IGSF9B: variants seen among roughly 807,000 people sequenced by gnomAD.
IGSF9B encodes the protein protein turtle homolog B.
A neutral mutation model predicts 143.7 loss-of-function variants in IGSF9B; 48 were observed. That is an observed-to-expected ratio of 0.33 (90% CI 0.26 to 0.42). The LOEUF (loss-of-function observed/expected upper bound fraction) is 0.42, where lower values mean the gene tolerates loss of function less well. Among genes scored for constraint, IGSF9B ranks in the 20% least tolerant of loss-of-function variants. The pLI is 1.00. For missense variants in IGSF9B, 1,706 were observed against 1,980.0 expected, an observed-to-expected ratio of 0.86 and a Z score of 2.63; for synonymous variants, 903 against 833.1, an observed-to-expected ratio of 1.08 and a Z score of -1.44.
rs1939807931 is a variant in IGSF9B, at chr11:133,935,627, C to T, written c.957G>A (p.Leu319=). The change falls in exon 7 of 20, where the codon CTG becomes CTA. Residue 319 remains leucine (L), a synonymous_variant. Coordinates refer to ENST00000533871, the MANE Select transcript of IGSF9B (RefSeq NM_001277285.4). ...TGCACCCCTACTCACACTGCACGGT[C>T]AGGTACGCCGAGGCGGAGGGGGAGC... ...LGRSPSASAY[L]TVQYPARVLN... is the part of the protein sequence containing the mutation. 9 of 1,610,390 alleles carry T rather than the reference C, an allele frequency of 5.6e-6. No individual in the cohort carries two copies. The South Asian group carries it at 1.0e-4, about 18-fold the overall frequency.
Position 133,899,824 on chromosome 11 carries a change from ACCT to A in IGSF9B, c.*9242_*9244del, listed in dbSNP as rs540750231. On this transcript the variant is annotated 3_prime_UTR_variant, in exon 20 of 20. Coordinates refer to ENST00000533871, the MANE Select transcript of IGSF9B (RefSeq NM_001277285.4). ...AAGGTAGGAAGGGAACAGAATTTGC[ACCT>A]CTTCTTCTTGCCCAATCCCCCTGAA... 2.6e-5 allele frequency: 4 copies of A among 152,194 alleles called. No homozygotes were observed. The East Asian group carries it at 7.8e-4, about 30-fold the overall frequency. The allele number at this position is 152,194 out of a possible 1,614,324, so 9.4% of individuals were successfully genotyped here.
intron 14 of IGSF9B, among the ~76,000 whole-genome samples, chr11:133,925,193 T>A (rs1393166321): frequency 6.6e-6 from 1 of 152,134 alleles, no homozygotes; most frequent in Admixed American, 6.5e-5. Context: ...CAACCACTAT[T>A]GATAAATAAG....
rs756625696 is a variant in IGSF9B, at chr11:133,922,702, C to T, written c.2148G>A (p.Glu716=). 1.1e-4 allele frequency: 169 copies of T among 1,582,982 alleles called. No individual in the cohort carries two copies. Among genetic ancestry groups the T allele is most frequent in the Non-Finnish European group, 1.4e-4 (164 of 1,165,956 alleles). ...TDIFPQPDLT[E]DGLARPVLAG... ...CCAGCACAGGCCGCGCCAGCCCATC[C>T]TCGGTCAGGTCCGGCTGCGGGAAGA... The change falls in exon 16 of 20, where the codon GAG becomes GAA. Residue 716 remains glutamate (E), a synonymous_variant. Coordinates refer to ENST00000533871, the MANE Select transcript of IGSF9B (RefSeq NM_001277285.4).
chr11:133,915,338 G>GGCTCACTGCTGCCTCGACCTCCCCA (rs1393180494), intron 18 of IGSF9B, among the ~76,000 whole-genome samples: 19 of 139,532 alleles, frequency 1.4e-4, no homozygotes, highest in African/African-American at 5.2e-4. Flanking sequence ...GCGCAATCTC[G>GGCTCACTGCTGCCTCGACCTCCCCA]GCTCACTGCT....
In IGSF9B at chr11:133,953,330, C is replaced by A. The variant is rs1197846408; in HGVS notation, c.64+3361G>T. Among the ~76,000 whole-genome samples, 1 of 152,196 alleles carries A rather than the reference C, an allele frequency of 6.6e-6. No individual in the cohort carries two copies. Among genetic ancestry groups the A allele is most frequent in the Non-Finnish European group, 1.5e-5 (1 of 68,030 alleles). ...AAGCTGATTGCCCTCTGCCCCTCAG[C>A]CAAGCCCTTCTCACATCCCCGTCTC... On this transcript the variant is annotated intron_variant, in intron 1 of 19. Coordinates refer to ENST00000533871, the MANE Select transcript of IGSF9B (RefSeq NM_001277285.4). The surrounding 1 kb of genome is among the most constrained non-coding windows in gnomAD (Gnocchi z 4.2).
chr11:133,956,099 G>C (rs1287330641), intron 1 of IGSF9B, among the ~76,000 whole-genome samples: 1 of 152,100 alleles, frequency 6.6e-6, no homozygotes, highest in Non-Finnish European at 1.5e-5. Flanking sequence ...TCCTCTCACC[G>C]GGCGCCCCTG....
chr11:133,920,967 C>G lies in IGSF9B; in HGVS notation c.2758G>C (p.Glu920Gln), dbSNP rs1351964129. ...SQLTPLSSSQESYLPPPAYSP... is the reference protein window; with the variant it reads ...SQLTPLSSSQQSYLPPPAYSP... The stretch of plus-strand genomic sequence containing the variant: ...TATGCTGGTGGTGGCAGGTAGGACT[C>G]CTGGCTGGATGACAGAGGGGTGAGC... Residue 920 changes from glutamate to glutamine, a missense_variant, in exon 18 of 20, where the codon GAG becomes CAG. Glu to Gln is a conservative substitution (Grantham distance 29). Around this residue, in one of 7 missense-constraint regions of IGSF9B, gnomAD observed 880 missense variants for 762.9 expected, o/e 1.15. Transcript: ENST00000533871. 1.2e-6 allele frequency: 2 copies of G among 1,610,676 alleles called. No individual in the cohort carries two copies. The highest frequency in any genetic ancestry group is 4.5e-5 in the East Asian group (2 of 44,778).
chr11:133,938,213 T>A (rs1939861080), intron 3 of IGSF9B: 1 of 473,714 alleles, frequency 2.1e-6, no homozygotes, highest in South Asian at 2.4e-5. Context: ...TAACTGAGCA[T>A]CTACTCTAGG....
intron 1 of IGSF9B, among the ~76,000 whole-genome samples, chr11:133,954,023 T>G (rs1726922929): frequency 6.6e-6 from 1 of 152,142 alleles, no homozygotes; most frequent in Non-Finnish European, 1.5e-5. Flanking sequence ...TTTCCCCCTC[T>G]GCCAGAGCAG....
Position 133,937,504 on chromosome 11 carries a change from A to C in IGSF9B, c.562-11T>G. 1 of 1,606,166 alleles carries C rather than the reference A, an allele frequency of 6.2e-7. No homozygotes were observed. On this transcript the variant is annotated splice_polypyrimidine_tract_variant and intron_variant, in intron 4 of 19. Transcript: ENST00000533871. ...GCTGCCGTCACTCACCTGGGAGCCC[A>C]AAACAGAGGGAGCTCAGCACCCACG... is the stretch of plus-strand genomic sequence containing the variant.
Position 133,908,952 on chromosome 11 carries a change from T to C in IGSF9B, c.*117A>G, listed in dbSNP as rs1019689343. 1.8e-5 allele frequency: 15 copies of C among 852,236 alleles called. No individual in the cohort carries two copies. In the Admixed American group the frequency reaches 2.2e-4, roughly 12 times the overall value. The allele number at this position is 852,236 out of a possible 1,614,324, so 52.8% of individuals were successfully genotyped here. Reference sequence around the variant, plus strand: ...ACCCGCTCTGGCAAAAGAGGGGGCATGCAGGACAAAGGTCTGGGCCGCCCT... The same window carrying C: ...ACCCGCTCTGGCAAAAGAGGGGGCACGCAGGACAAAGGTCTGGGCCGCCCT... On this transcript the variant is annotated 3_prime_UTR_variant, in exon 20 of 20. Coordinates refer to ENST00000533871, the MANE Select transcript of IGSF9B (RefSeq NM_001277285.4).
rs1192996731 is a variant in IGSF9B, at chr11:133,946,112, T to C, written c.211A>G (p.Ile71Val). 2 of 1,608,974 alleles carry C rather than the reference T, an allele frequency of 1.2e-6. No individual in the cohort carries two copies. The highest frequency in any genetic ancestry group is 1.7e-6 in the Non-Finnish European group (2 of 1,177,574). ...EWFKFGVPIP[I>V]FIKFGYYPPH... Reference sequence around the variant, plus strand: ...GGGTAGTAGCCAAACTTGATGAAGATAGGGATGGGGACCCCGAACTTGAAC... The same window carrying C: ...GGGTAGTAGCCAAACTTGATGAAGACAGGGATGGGGACCCCGAACTTGAAC... The change falls in exon 2 of 20, where the codon ATC becomes GTC. Residue 71 changes from isoleucine to valine, a missense_variant. Physicochemically the swap from Ile to Val is conservative, Grantham distance 29. Transcript: ENST00000533871.
chr11:133,920,009 A>T lies in IGSF9B; in HGVS notation c.3716T>A (p.Leu1239Gln). ...AAAGCTGACTGCAGCCGGCGGCTGC[A>T]GGGTGATCTCTGACATCTCTGCCTG... ...LQQAEMSEIT[L>Q]QPPAAVSFSR... The change falls in exon 18 of 20, where the codon CTG becomes CAG. Residue 1239 changes from leucine (L) to glutamine (Q), a missense_variant. This residue lies in a region of IGSF9B where 880 missense variants were observed against 762.9 expected (regional missense o/e 1.15). Coordinates refer to ENST00000533871, the MANE Select transcript of IGSF9B (RefSeq NM_001277285.4). The T allele has an allele frequency of 6.3e-7, 1 of 1,584,386 alleles. No homozygotes were observed. Among genetic ancestry groups the T allele is most frequent in the Non-Finnish European group, 8.6e-7 (1 of 1,164,914 alleles).
chr11:133,919,426 C>T (rs546955750), intron 18 of IGSF9B, among the ~76,000 whole-genome samples: 85 of 152,326 alleles, frequency 5.6e-4, no homozygotes, highest in Non-Finnish European at 7.5e-4. Flanking sequence ...CCAAGAGGGA[C>T]GGGGTCCACC....
chr11:133,915,159 AG>A (rs1939357151), intron 18 of IGSF9B, among the ~76,000 whole-genome samples: 1 of 151,906 alleles, frequency 6.6e-6, no homozygotes, highest in Admixed American at 6.6e-5. Flanking sequence ...CCCTTCTCCC[AG>A]GAAGTCAGGG....
At chr11:133,924,739 T>C in intron 15 of IGSF9B, 81 bp downstream of exon 15, 1 of 1,121,504 alleles carries the variant, frequency 8.9e-7, no homozygotes, top group Non-Finnish European at 1.3e-6. Flanking sequence ...CCTCGTGGAG[T>C]AGCCATTTCA....
Position 133,956,827 on chromosome 11 carries a change from AGCGCCCGCCTC to A in IGSF9B, c.-84_-74del, listed in dbSNP as rs544014217. 2.0e-3 allele frequency: 1,921 copies of A among 972,036 alleles called. 27 individuals carry two copies. Among genetic ancestry groups the A allele is most frequent in the Middle Eastern group, 5.2e-3 (22 of 4,216 alleles). The allele number at this position is 972,036 out of a possible 1,614,324, so 60.2% of individuals were successfully genotyped here. A position where few individuals can be genotyped will look rare whatever the true frequency, so the allele number is the denominator to read the frequency against. On this transcript the variant is annotated 5_prime_UTR_variant, in exon 1 of 20. Transcript: ENST00000533871. Reference sequence around the variant, plus strand: ...CGCGCCCGCACGCGCCTCGCGCCCGAGCGCCCGCCTCGCGCCCGCCTCGCGCCGCCTACGCC... The same window carrying A: ...CGCGCCCGCACGCGCCTCGCGCCCGAGCGCCCGCCTCGCGCCGCCTACGCC...
At position 133,907,009 on chromosome 11, in the gene IGSF9B, T is replaced by C. The variant is rs547750322; in HGVS notation, c.*2060A>G. ...AAAAAGAACACAAAGAGTTGTGTGC[T>C]CTTCCATCTCGCAGAGCTGGTGCCC... On this transcript the variant is annotated 3_prime_UTR_variant, in exon 20 of 20. Coordinates refer to ENST00000533871, the MANE Select transcript of IGSF9B (RefSeq NM_001277285.4). Among the ~76,000 whole-genome samples, 4 of 152,238 alleles carry C rather than the reference T, an allele frequency of 2.6e-5. No homozygotes were observed. In the South Asian group the frequency reaches 6.2e-4, roughly 24 times the overall value.
Position 133,926,250 on chromosome 11 carries a change from A to G in IGSF9B, c.1808-285T>C, listed in dbSNP as rs556957224. 2.7e-4 allele frequency among the ~76,000 whole-genome samples: 41 copies of G among 152,304 alleles called. No individual in the cohort carries two copies. In the South Asian group the frequency reaches 8.5e-3, roughly 32 times the overall value. On this transcript the variant is annotated intron_variant, in intron 13 of 19. Coordinates refer to ENST00000533871, the MANE Select transcript of IGSF9B (RefSeq NM_001277285.4). ...GGGAGCTAGGGATATCTTCTTTCTC[A>G]CAGCACAGCAGTCACTCTTTCCATT... is the stretch of plus-strand genomic sequence containing the variant.
Sources: allele counts gnomAD v4.1 joint callset (sites outside exome capture counted in the v4.1 genomes callset), GRCh38; gene constraint gnomAD v4.1.1; regional missense constraint gnomAD v4.1.1; non-coding constraint Gnocchi (gnomAD v3.1); transcripts MANE v1.5; gene names NCBI Gene and HGNC (gene_info 2026-07-23, HGNC 2026-07-21).